Variants in ASAP1 observed in about 807,000 individuals in gnomAD.
ASAP1 encodes arf-GAP with SH3 domain, ANK repeat and PH domain-containing protein 1.
ASAP1 carries 43 observed loss-of-function variants against 145.2 expected under a neutral mutation model. That is an observed-to-expected ratio of 0.30 (90% CI 0.23 to 0.38). ASAP1 has a LOEUF of 0.38. ASAP1 is among the 10% of genes least tolerant of loss of function. The pLI, the probability that ASAP1 is intolerant of heterozygous loss-of-function variation, is 1.00. For synonymous variants in ASAP1, 546 were observed against 515.5 expected (o/e 1.06, Z -0.80); for missense variants, 1,018 against 1,355.3 (o/e 0.75, Z 3.91).
chr8:130,294,635 C>T lies in ASAP1; in HGVS notation c.187-57641G>A, dbSNP rs117882606. On this transcript the variant is annotated intron_variant, in intron 3 of 29. Coordinates refer to ENST00000518721, the MANE Select transcript of ASAP1 (RefSeq NM_018482.4). Reference sequence around the variant, plus strand: ...CAGTGGACTTACACAAATCTAAGTTCTCTTCTCCCTTACTGGGGTTACTGC... The same window carrying T: ...CAGTGGACTTACACAAATCTAAGTTTTCTTCTCCCTTACTGGGGTTACTGC... 2.4e-3 allele frequency among the ~76,000 whole-genome samples: 372 copies of T among 152,348 alleles called. 2 individuals carry two copies. The highest frequency in any genetic ancestry group is 7.0e-3 in the South Asian group (34 of 4,828).
intron 26 of ASAP1, among the ~76,000 whole-genome samples, chr8:130,079,026 T>C (rs920609143): frequency 3.4e-5 from 4 of 118,874 alleles, no homozygotes; most frequent in Admixed American, 3.1e-4. Flanking sequence ...AGGCCTTGTC[T>C]CTACAAAAAA....
At chr8:130,280,856 T>C (rs1008938196) in intron 3 of ASAP1, among the ~76,000 whole-genome samples, 6 of 152,178 alleles carry the variant, frequency 3.9e-5, no homozygotes, top group African/African-American at 1.4e-4. Flanking sequence ...TTCTTCTGCT[T>C]GGTCATTAAT....
At chr8:130,199,152 T>C (rs1457956448) in intron 5 of ASAP1, among the ~76,000 whole-genome samples, 2 of 152,214 alleles carry the variant, frequency 1.3e-5, no homozygotes, top group Non-Finnish European at 2.9e-5. Context: ...TTTCACAGAG[T>C]ACTGCACTTT....
chr8:130,205,259 T>A lies in ASAP1; in HGVS notation c.405+9297A>T, dbSNP rs570901691. Among the ~76,000 whole-genome samples, 10 of 152,048 alleles carry A rather than the reference T, an allele frequency of 6.6e-5. No homozygotes were observed. In the East Asian group the frequency reaches 1.9e-3, roughly 29 times the overall value. ...TAGACAATCACGTACACATATCGCG[T>A]GCATACACCCTTTAGACAAGTGCTA... On this transcript the variant is annotated intron_variant, in intron 5 of 29. Transcript: ENST00000518721.
chr8:130,109,235 G>A (rs902784662), intron 24 of ASAP1, among the ~76,000 whole-genome samples: 3 of 152,064 alleles, frequency 2.0e-5, no homozygotes, highest in Admixed American at 6.6e-5. Context: ...GAAGTGTTTC[G>A]GTATGGGGCT....
At chr8:130,203,685 A>G (rs1482384917) in intron 5 of ASAP1, among the ~76,000 whole-genome samples, 1 of 152,240 alleles carries the variant, frequency 6.6e-6, no homozygotes, top group East Asian at 1.9e-4. Flanking sequence ...TGGAGTGGAA[A>G]GAAGTGGAAG....
chr8:130,326,898 T>G (rs987811117), intron 3 of ASAP1, among the ~76,000 whole-genome samples: 4 of 152,178 alleles, frequency 2.6e-5, no homozygotes. Context: ...ATTTCGCAAG[T>G]CATCTTAATT....
chr8:130,443,184 C>T (rs1830549009), intron 1 of ASAP1, among the ~76,000 whole-genome samples: 3 of 151,844 alleles, frequency 2.0e-5, no homozygotes, highest in Admixed American at 2.0e-4. Context: ...ACTGCAGGGG[C>T]CCCCTCTCCC....
intron 3 of ASAP1, among the ~76,000 whole-genome samples, chr8:130,289,119 T>C (rs545041229): frequency 5.9e-5 from 9 of 152,144 alleles, no homozygotes; most frequent in South Asian, 2.1e-4. Context: ...CCGGGAGGCA[T>C]AGGTTGCAGT....
intron 9 of ASAP1, among the ~76,000 whole-genome samples, chr8:130,172,441 T>A (rs993255451): frequency 1.3e-5 from 2 of 152,142 alleles, no homozygotes; most frequent in Non-Finnish European, 2.9e-5. Context: ...AAACATTTTT[T>A]AAAAATAAGA....
chr8:130,404,236 T>C (rs1441800610), intron 1 of ASAP1, among the ~76,000 whole-genome samples: 1 of 152,224 alleles, frequency 6.6e-6, no homozygotes, highest in African/African-American at 2.4e-5. Context: ...CCTTCAAACT[T>C]AGATGCCAAC....
chr8:130,065,365 T>TAGA (rs2097428499), intron 27 of ASAP1, among the ~76,000 whole-genome samples: 1 of 152,318 alleles, frequency 6.6e-6, no homozygotes, highest in Admixed American at 6.5e-5. Context: ...TTTAGCTTTC[T>TAGA]AGAAGCTCCT....
intron 3 of ASAP1, among the ~76,000 whole-genome samples, chr8:130,312,030 C>T (rs1004487572): frequency 2.0e-5 from 3 of 151,976 alleles, no homozygotes; most frequent in Admixed American, 1.3e-4. Context: ...TCTAAATGAA[C>T]ACCAACCACT....
intron 4 of ASAP1, among the ~76,000 whole-genome samples, chr8:130,227,150 A>T (rs1029979051): frequency 1.3e-5 from 2 of 152,186 alleles, no homozygotes; most frequent in African/African-American, 4.8e-5. Context: ...TATAAATTAT[A>T]TGTAAAATCG....
chr8:130,399,565 A>G (rs141975632), intron 2 of ASAP1, among the ~76,000 whole-genome samples: 3,765 of 152,250 alleles, frequency 0.025, 67 homozygotes, highest in Middle Eastern at 0.044. Context: ...ATCATATCAA[A>G]AGCCTCTCAG....
intron 14 of ASAP1, among the ~76,000 whole-genome samples, chr8:130,134,824 G>A (rs1158230059): frequency 1.3e-5 from 2 of 152,160 alleles, no homozygotes; most frequent in Non-Finnish European, 2.9e-5. Context: ...AATTGTTACT[G>A]TGTTTTCTTT....
At chr8:130,382,030 T>G (rs1224069791) in intron 2 of ASAP1, among the ~76,000 whole-genome samples, 1 of 152,170 alleles carries the variant, frequency 6.6e-6, no homozygotes, top group Non-Finnish European at 1.5e-5. Context: ...CTCAAGCCTG[T>G]AATCCCAGCA....
intron 24 of ASAP1, among the ~76,000 whole-genome samples, chr8:130,103,711 C>T (rs2097532577): frequency 6.6e-6 from 1 of 152,138 alleles, no homozygotes; most frequent in South Asian, 2.1e-4. Flanking sequence ...CCATGTTGGC[C>T]AGGCTGGTCT....
At chr8:130,418,137 T>C (rs1230184919) in intron 1 of ASAP1, among the ~76,000 whole-genome samples, 1 of 152,236 alleles carries the variant, frequency 6.6e-6, no homozygotes, top group Non-Finnish European at 1.5e-5. Context: ...GAGAATAAGG[T>C]AGCAATCAAC....
Sources: gnomAD v4.1 joint callset for allele counts (sites outside exome capture counted in the v4.1 genomes callset) on GRCh38, gnomAD v4.1.1 for gene constraint, MANE v1.5 for transcripts, NCBI Gene and HGNC (gene_info 2026-07-23, HGNC 2026-07-21) for gene names.